Variants in CTNND2 observed in about 807,000 individuals in gnomAD.
CTNND2 encodes the protein catenin delta-2.
A neutral mutation model predicts 144.4 loss-of-function variants in CTNND2; 22 were observed. The observed-to-expected ratio is 0.15, with a 90% CI of 0.11 to 0.22. The LOEUF (loss-of-function observed/expected upper bound fraction) is 0.22, where lower values mean the gene tolerates loss of function less well. Among genes scored for constraint, CTNND2 ranks in the 10% least tolerant of loss-of-function variants. CTNND2 has a pLI of 1.00. For synonymous variants in CTNND2, 751 were observed against 695.6 expected (o/e 1.08, Z -1.25); for missense variants, 1,353 against 1,618.8 (o/e 0.84, Z 2.82).
rs1277358453 is a variant in CTNND2, at chr5:11,011,840, T to A, written c.3084+6134A>T. Among the ~76,000 whole-genome samples, 3 of 152,232 alleles carry A rather than the reference T, an allele frequency of 2.0e-5. No individual in the cohort carries two copies. In the South Asian group the frequency reaches 6.2e-4, roughly 32 times the overall value. On this transcript the variant is annotated intron_variant, in intron 18 of 21. Transcript: ENST00000304623. ...GTTGTAAACATGGGACTCTGTTTCCTATAGGAATATCGCTAGCAGGCAGAG... is the reference window on the plus strand; with the variant it reads ...GTTGTAAACATGGGACTCTGTTTCCAATAGGAATATCGCTAGCAGGCAGAG...
chr5:11,514,889 AG>A (rs1772019634), intron 3 of CTNND2, among the ~76,000 whole-genome samples: 1 of 152,176 alleles, frequency 6.6e-6, no homozygotes, highest in African/African-American at 2.4e-5. Context: ...TGCAACTTCC[AG>A]CTCCCAGGTT....
chr5:11,605,215 A>C (rs1243081838), intron 2 of CTNND2, among the ~76,000 whole-genome samples: 2 of 152,232 alleles, frequency 1.3e-5, no homozygotes, highest in Non-Finnish European at 2.9e-5. Flanking sequence ...GAGGCACAGC[A>C]GTGCCCACAC....
At chr5:11,428,102 A>G (rs1762955064) in intron 3 of CTNND2, among the ~76,000 whole-genome samples, 1 of 152,122 alleles carries the variant, frequency 6.6e-6, no homozygotes, top group African/African-American at 2.4e-5. Flanking sequence ...CCATGATTCA[A>G]TTACCTTCCC....
intron 3 of CTNND2, among the ~76,000 whole-genome samples, chr5:11,486,407 T>C (rs1421309522): frequency 2.0e-5 from 3 of 152,224 alleles, no homozygotes; most frequent in African/African-American, 7.2e-5. Context: ...CTGGATGGGA[T>C]ATTCTCACCT....
At chr5:11,376,270 G>A (rs1157522355) in intron 7 of CTNND2, among the ~76,000 whole-genome samples, 1 of 148,214 alleles carries the variant, frequency 6.7e-6, no homozygotes, top group Non-Finnish European at 1.5e-5. Context: ...GGCATTATCT[G>A]CTTCTAACCA....
intron 3 of CTNND2, among the ~76,000 whole-genome samples, chr5:11,419,973 G>A (rs1200895924): frequency 6.6e-6 from 1 of 152,094 alleles, no homozygotes; most frequent in African/African-American, 2.4e-5. Context: ...CTGCTTTTGA[G>A]TTAAGCAATG....
chr5:11,828,488 C>A (rs1793717778), intron 1 of CTNND2, among the ~76,000 whole-genome samples: 1 of 152,082 alleles, frequency 6.6e-6, no homozygotes, highest in East Asian at 1.9e-4. Context: ...CAAGATCATG[C>A]CACTGGACTC....
chr5:11,899,060 T>C (rs1371360413), intron 1 of CTNND2, among the ~76,000 whole-genome samples: 1 of 152,184 alleles, frequency 6.6e-6, no homozygotes, highest in African/African-American at 2.4e-5. Flanking sequence ...AAAATGACCA[T>C]CTATTTTCAA....
intron 3 of CTNND2, among the ~76,000 whole-genome samples, chr5:11,468,415 C>T (rs1431721942): frequency 1.3e-5 from 2 of 152,084 alleles, no homozygotes; most frequent in South Asian, 2.1e-4. Context: ...CTATGGGATA[C>T]TTTTTAATCA....
At chr5:11,707,659 AT>A (rs1785781563) in intron 2 of CTNND2, among the ~76,000 whole-genome samples, 1 of 152,206 alleles carries the variant, frequency 6.6e-6, no homozygotes, top group South Asian at 2.1e-4. Flanking sequence ...ATTTTCAACT[AT>A]TTTTTAGAGT....
At chr5:11,849,451 G>C (rs1397069073) in intron 1 of CTNND2, among the ~76,000 whole-genome samples, 1 of 152,142 alleles carries the variant, frequency 6.6e-6, no homozygotes, top group Non-Finnish European at 1.5e-5. Context: ...TTTTACTTAT[G>C]AGAGTCTGTA....
chr5:11,588,238 T>C (rs1193039535), intron 2 of CTNND2, among the ~76,000 whole-genome samples: 1 of 152,014 alleles, frequency 6.6e-6, no homozygotes, highest in African/African-American at 2.4e-5. Flanking sequence ...GTGACTCTGG[T>C]TGGGTGATTT....
chr5:11,308,772 T>C (rs747742546), intron 9 of CTNND2, among the ~76,000 whole-genome samples: 46 of 152,210 alleles, frequency 3.0e-4, no homozygotes, highest in Non-Finnish European at 6.3e-4. Context: ...ACAGTCTATC[T>C]GTATTAGTCC....
chr5:11,264,433 A>G (rs894433039), intron 9 of CTNND2, among the ~76,000 whole-genome samples: 1 of 152,214 alleles, frequency 6.6e-6, no homozygotes, highest in Admixed American at 6.5e-5. Flanking sequence ...ATGACTGCTG[A>G]AACTGTTTGA....
chr5:11,262,761 C>CAAAAAAAAAAAAAAAAAAAAAA (rs11289676), intron 9 of CTNND2, among the ~76,000 whole-genome samples: 42 of 45,680 alleles, frequency 9.2e-4, no homozygotes, highest in South Asian at 1.5e-3. Flanking sequence ...GACTCTGTCT[C>CAAAAAAAAAAAAAAAAAAAAAA]AAAAAAAAAA....
At chr5:11,413,885 T>C (rs1761728515) in intron 3 of CTNND2, among the ~76,000 whole-genome samples, 1 of 152,210 alleles carries the variant, frequency 6.6e-6, no homozygotes, top group Non-Finnish European at 1.5e-5. Flanking sequence ...AACACTTCCA[T>C]ATTGATAGTG....
In CTNND2 at chr5:11,385,118, C is replaced by G. The variant is rs1368784592; in HGVS notation, c.724G>C (p.Asp242His). 6.8e-6 allele frequency: 7 copies of G among 1,024,644 alleles called. No individual in the cohort carries two copies. Among genetic ancestry groups the G allele is most frequent in the Non-Finnish European group, 8.2e-6 (7 of 857,816 alleles). The allele number at this position is 1,024,644 out of a possible 1,614,324, so 63.5% of individuals were successfully genotyped here. A position where few individuals can be genotyped will look rare whatever the true frequency, so the allele number is the denominator to read the frequency against. ...GCGGCGGCGGCGGCGGGCGGCGCGT[C>G]GGGCAGGTGGAAGGCGCTGCCCAGG... ...PSLGSAFHLP[D>H]APPAAAAAAL... Residue 242 changes from aspartate (D) to histidine (H), a missense_variant, in exon 7 of 22, where the codon GAC becomes CAC. Asp to His is a moderately conservative substitution (Grantham distance 81). Around this residue, in one of 4 missense-constraint regions of CTNND2, gnomAD observed 708 missense variants for 706.4 expected, o/e 1.00. Coordinates refer to ENST00000304623, the MANE Select transcript of CTNND2 (RefSeq NM_001332.4).
chr5:11,741,392 A>G (rs1371154785), intron 1 of CTNND2, among the ~76,000 whole-genome samples: 1 of 152,218 alleles, frequency 6.6e-6, no homozygotes, highest in Non-Finnish European at 1.5e-5. Context: ...GCAGCCGTAA[A>G]AAAGGATGAG....
At chr5:11,602,863 G>T (rs183076738) in intron 2 of CTNND2, among the ~76,000 whole-genome samples, 108 of 148,694 alleles carry the variant, frequency 7.3e-4, no homozygotes, top group Admixed American at 6.4e-3. Flanking sequence ...CATTTTTCAA[G>T]CTAATATTGA....
Sources: allele counts gnomAD v4.1 joint callset (sites outside exome capture counted in the v4.1 genomes callset), GRCh38; gene constraint gnomAD v4.1.1; regional missense constraint gnomAD v4.1.1; transcripts MANE v1.5; gene names NCBI Gene and HGNC (gene_info 2026-07-23, HGNC 2026-07-21).